ERAP1: variants seen among roughly 807,000 people sequenced by gnomAD.
The protein encoded by ERAP1 is endoplasmic reticulum aminopeptidase 1, also known as adipocyte-derived leucine aminopeptidase.
In ERAP1, 86 loss-of-function variants were observed where a neutral mutation model predicts 103.7. That is an observed-to-expected ratio of 0.83 (90% CI 0.70 to 0.99). ERAP1 has a LOEUF of 0.99. Among genes scored for constraint, ERAP1 ranks in the 50% least tolerant of loss-of-function variants. ERAP1 has a pLI of 0.00. For synonymous variants in ERAP1, 398 were observed against 402.4 expected (o/e 0.99, Z 0.13); for missense variants, 1,009 against 1,128.4 (o/e 0.89, Z 1.52).
the ERAP1 span, chr5:96,880,093 A>G: frequency 6.2e-7 from 1 of 1,614,196 alleles, no homozygotes; most frequent in Non-Finnish European, 8.5e-7. Context: ...CAGGAAAAGA[A>G]CTGAAAGTTT....
At chr5:96,762,024 T>A (rs910034368) in exon 20 of ERAP1, 14 of 304,108 alleles carry the variant, frequency 4.6e-5, no homozygotes, top group South Asian at 1.2e-4. Flanking sequence ...CGTGGAACTC[T>A]AAGTTATATT....
chr5:96,909,014 A>G, the ERAP1 span: 7 of 1,614,170 alleles, frequency 4.3e-6, no homozygotes, highest in East Asian at 8.9e-5. Flanking sequence ...TACCTCCAAC[A>G]TGAAACAAGC....
the ERAP1 span, among the ~76,000 whole-genome samples, chr5:96,828,826 A>G: frequency 6.6e-6 from 1 of 152,190 alleles, no homozygotes; most frequent in African/African-American, 2.4e-5. Context: ...AGTCAATTTA[A>G]TAGTATTTTT....
At chr5:96,808,051 G>T (rs895884860), upstream of ERAP1, 10 of 985,576 alleles carry the variant, frequency 1.0e-5, no homozygotes, top group East Asian at 1.1e-4. Flanking sequence ...AAGGGTAAAC[G>T]GGAGTGGGGC....
the ERAP1 span, chr5:96,823,187 G>A: frequency 2.2e-6 from 1 of 454,130 alleles, no homozygotes; most frequent in Non-Finnish European, 4.4e-6. Context: ...ATGAAATACA[G>A]TCATATAATC....
chr5:96,831,286 G>C, the ERAP1 span, among the ~76,000 whole-genome samples: 1 of 152,074 alleles, frequency 6.6e-6, no homozygotes. Flanking sequence ...CAGCACTGAG[G>C]GGAAGGTGCT....
At chr5:96,813,650 C>CAAAAAAAAAAAA in the ERAP1 span, among the ~76,000 whole-genome samples, 10 of 55,160 alleles carry the variant, frequency 1.8e-4, 3 homozygotes, top group African/African-American at 3.6e-4. Flanking sequence ...AGACTCATCT[C>CAAAAAAAAAAAA]AAAAAAAAAA....
the ERAP1 span, among the ~76,000 whole-genome samples, chr5:96,906,832 G>A: frequency 6.6e-6 from 1 of 152,192 alleles, no homozygotes. Context: ...AGGAGTTCAA[G>A]ACCAGCCTGG....
At chr5:96,895,919 A>G in the ERAP1 span, among the ~76,000 whole-genome samples, 153 of 152,318 alleles carry the variant, frequency 1.0e-3, no homozygotes, top group African/African-American at 3.6e-3. Flanking sequence ...CTATAGACAG[A>G]CATGGATTCA....
the ERAP1 span, among the ~76,000 whole-genome samples, chr5:96,928,436 T>G: frequency 6.6e-6 from 1 of 152,184 alleles, no homozygotes; most frequent in Non-Finnish European, 1.5e-5. Flanking sequence ...AGTGTCCTTA[T>G]TAAAAGAGGA....
the ERAP1 span, among the ~76,000 whole-genome samples, chr5:96,847,050 C>A: frequency 6.7e-6 from 1 of 148,454 alleles, no homozygotes; most frequent in African/African-American, 2.5e-5. Flanking sequence ...ACCAGCCTGA[C>A]CAACATGTTG....
the ERAP1 span, among the ~76,000 whole-genome samples, chr5:96,924,588 G>C: frequency 1.3e-5 from 2 of 151,638 alleles, no homozygotes; most frequent in Non-Finnish European, 2.9e-5. Flanking sequence ...ATAACAATTC[G>C]GGCTAACAGA....
At chr5:96,808,217 T>TGTGTGTGC (rs1778901864), upstream of ERAP1, 1 of 386,970 alleles carries the variant, frequency 2.6e-6, no homozygotes. Flanking sequence ...TGTGTGTGTG[T>TGTGTGTGC]GTGTGTGTGT....
chr5:96,896,599 T>C, the ERAP1 span: 2 of 1,479,778 alleles, frequency 1.4e-6, no homozygotes, highest in Admixed American at 2.3e-5. Flanking sequence ...CAGTTCCTGC[T>C]ACTTGTTTCA....
chr5:96,817,497 T>C, the ERAP1 span, among the ~76,000 whole-genome samples: 1 of 152,254 alleles, frequency 6.6e-6, no homozygotes, highest in East Asian at 1.9e-4. Flanking sequence ...ATTTCTATGT[T>C]GTGTCAGGGT....
the ERAP1 span, chr5:96,909,074 T>TCGTTTGTCCACA: frequency 6.2e-7 from 1 of 1,614,118 alleles, no homozygotes; most frequent in Non-Finnish European, 8.5e-7. Context: ...TTTTACCACA[T>TCGTTTGTCCACA]GATGGACAGA....
the ERAP1 span, among the ~76,000 whole-genome samples, chr5:96,847,853 C>T: frequency 0.09 from 13,747 of 152,122 alleles, 810 homozygotes; most frequent in Middle Eastern, 0.16. Context: ...GCATTAAATG[C>T]CAACACCAAA....
At chr5:96,873,644 C>T in the ERAP1 span, 3 of 342,622 alleles carry the variant, frequency 8.8e-6, no homozygotes, top group Non-Finnish European at 1.8e-5. Context: ...CCCTGATGTG[C>T]TTGAAGCATG....
intron 2 of ERAP1, among the ~76,000 whole-genome samples, chr5:96,801,994 TAATC>T (rs982462194): frequency 5.9e-5 from 9 of 151,992 alleles, no homozygotes; most frequent in Non-Finnish European, 1.0e-4. Context: ...TCAACTTCCT[TAATC>T]AAAGTTACGT....
Sources: allele counts gnomAD v4.1 joint callset (sites outside exome capture counted in the v4.1 genomes callset), GRCh38; gene constraint gnomAD v4.1.1; transcripts MANE v1.5; gene names NCBI Gene and HGNC (gene_info 2026-07-23, HGNC 2026-07-21).